The following RBFOX1 variants were observed in gnomAD, a reference collection of about 807,000 sequenced individuals.
The protein encoded by RBFOX1 is RNA binding protein fox-1 homolog 1.
In RBFOX1, 8 loss-of-function variants were observed where a neutral mutation model predicts 57.7. That is an observed-to-expected ratio of 0.14 (90% CI 0.08 to 0.25). The LOEUF (loss-of-function observed/expected upper bound fraction) is 0.25. Among genes scored for constraint, RBFOX1 ranks in the 10% least tolerant of loss-of-function variants. The pLI, the probability that RBFOX1 is intolerant of heterozygous loss-of-function variation, is 1.00. For synonymous variants in RBFOX1, 326 were observed against 222.4 expected (o/e 1.47, Z -4.15); for missense variants, 611 against 548.5 (o/e 1.11, Z -1.14).
chr16:6,901,825 G>A (rs1276913910), intron 3 of RBFOX1, among the ~76,000 whole-genome samples: 1 of 152,184 alleles, frequency 6.6e-6, no homozygotes, highest in Non-Finnish European at 1.5e-5. Context: ...TATATTTACT[G>A]TGTTAAATAT....
rs114173404 is a variant in RBFOX1 at position 6,502,244 on chromosome 16, G to A, written c.-63-152359G>A. Reference sequence around the variant, plus strand: ...AGATCCATCTGTAGGGATCTAGATCGGCTACAATAGTAGTGGCCCCAGAGA... The same window carrying A: ...AGATCCATCTGTAGGGATCTAGATCAGCTACAATAGTAGTGGCCCCAGAGA... On this transcript the variant is annotated intron_variant, in intron 2 of 15. Transcript: ENST00000550418. Among the ~76,000 whole-genome samples, 211 of 152,194 alleles carry A rather than the reference G, an allele frequency of 1.4e-3. 3 individuals are homozygous for A. Among genetic ancestry groups the A allele is most frequent in the African/African-American group, 4.9e-3 (204 of 41,522 alleles).
intron 2 of RBFOX1, chr16:6,483,853 CG>C (rs1428843454): frequency 5.0e-6 from 6 of 1,197,680 alleles, no homozygotes; most frequent in Non-Finnish European, 6.3e-6. Context: ...GGATGGAATC[CG>C]GGAAACCCAA....
At chr16:5,849,955 CT>C (rs1464840805) in intron 3 of RBFOX1, among the ~76,000 whole-genome samples, 1 of 152,150 alleles carries the variant, frequency 6.6e-6, no homozygotes, top group African/African-American at 2.4e-5. Flanking sequence ...ATTTGTTTTC[CT>C]TTGCGGATCA....
intron 3 of RBFOX1, among the ~76,000 whole-genome samples, chr16:6,864,215 T>C (rs570427974): frequency 2.2e-4 from 34 of 152,296 alleles, no homozygotes; most frequent in South Asian, 6.2e-4. Context: ...TTCTTCTATG[T>C]CACTGTATTC....
chr16:5,552,733 C>T (rs2045513186), intron 2 of RBFOX1, among the ~76,000 whole-genome samples: 1 of 152,184 alleles, frequency 6.6e-6, no homozygotes, highest in Admixed American at 6.5e-5. Context: ...TCCCATGACC[C>T]AGTGGTGAGT....
intron 2 of RBFOX1, among the ~76,000 whole-genome samples, chr16:6,403,514 C>G (rs142846613): frequency 3.3e-5 from 5 of 151,994 alleles, no homozygotes; most frequent in African/African-American, 1.2e-4. Context: ...CAGGCGAGTG[C>G]CACTACAGTT....
chr16:6,306,354 C>T (rs1181452025), intron 1 of RBFOX1, among the ~76,000 whole-genome samples: 1 of 152,156 alleles, frequency 6.6e-6, no homozygotes, highest in Non-Finnish European at 1.5e-5. Context: ...GCTGCTGGAG[C>T]CGGGCAAGTT....
intron 1 of RBFOX1, among the ~76,000 whole-genome samples, chr16:6,146,363 C>A (rs751170613): frequency 6.6e-6 from 1 of 152,158 alleles, no homozygotes; most frequent in Non-Finnish European, 1.5e-5. Flanking sequence ...TCCAGATTAG[C>A]CTCCAAAATT....
chr16:7,271,884 C>T (rs2095326450), intron 4 of RBFOX1, among the ~76,000 whole-genome samples: 1 of 152,124 alleles, frequency 6.6e-6, no homozygotes, highest in African/African-American at 2.4e-5. Flanking sequence ...ATCCCCTGTG[C>T]ATATCGATTA....
intron 3 of RBFOX1, among the ~76,000 whole-genome samples, chr16:7,001,143 C>A (rs145796198): frequency 1.3e-5 from 2 of 152,056 alleles, no homozygotes; most frequent in Admixed American, 1.3e-4. Flanking sequence ...TTCCAGTTTT[C>A]AAATCCGTTT....
chr16:5,961,754 C>T (rs893333520), intron 4 of RBFOX1, among the ~76,000 whole-genome samples: 3 of 152,100 alleles, frequency 2.0e-5, no homozygotes, highest in Non-Finnish European at 4.4e-5. Flanking sequence ...TCTCAAACTC[C>T]CGGCCTCAAG....
chr16:6,891,461 A>C (rs935247008), intron 3 of RBFOX1, among the ~76,000 whole-genome samples: 1 of 151,878 alleles, frequency 6.6e-6, no homozygotes, highest in Admixed American at 6.6e-5. Flanking sequence ...ATACACACAC[A>C]CACTAGAGAG....
At chr16:6,897,758 A>T (rs1382119757) in intron 3 of RBFOX1, among the ~76,000 whole-genome samples, 1 of 152,142 alleles carries the variant, frequency 6.6e-6, no homozygotes, top group Middle Eastern at 3.4e-3. Context: ...ATGCTGTTAC[A>T]CTCCAGCCTT....
intron 4 of RBFOX1, among the ~76,000 whole-genome samples, chr16:5,880,427 T>C (rs948330092): frequency 9.2e-5 from 14 of 152,230 alleles, no homozygotes; most frequent in African/African-American, 2.9e-4. Context: ...CTCCAAGGGA[T>C]GATACGAGTG....
At chr16:6,791,178 G>T (rs996712513) in intron 3 of RBFOX1, among the ~76,000 whole-genome samples, 3 of 151,966 alleles carry the variant, frequency 2.0e-5, no homozygotes, top group South Asian at 2.1e-4. Context: ...AAGTGCTGGG[G>T]TTACTGGTGT....
intron 3 of RBFOX1, among the ~76,000 whole-genome samples, chr16:7,024,133 A>C (rs1404284082): frequency 2.0e-5 from 3 of 152,152 alleles, no homozygotes; most frequent in African/African-American, 7.2e-5. Flanking sequence ...GACATGCTTT[A>C]TGTTATCATA....
At position 7,438,886 on chromosome 16, in the gene RBFOX1, C is replaced by G. The variant is rs188786036; in HGVS notation, c.28-79261C>G. On this transcript the variant is annotated intron_variant, in intron 4 of 15. Transcript: ENST00000550418. ...TCTGTCAATGGCTGAGTGATCTATA[C>G]TGCATGAATCCCCCCCTTCAGCTCT... Among the ~76,000 whole-genome samples, 7 of 152,290 alleles carry G rather than the reference C, an allele frequency of 4.6e-5. No individual in the cohort carries two copies. In the East Asian group the frequency reaches 1.4e-3, roughly 30 times the overall value.
At chr16:6,100,407 C>G (rs1009082578) in intron 1 of RBFOX1, among the ~76,000 whole-genome samples, 5 of 152,196 alleles carry the variant, frequency 3.3e-5, no homozygotes, top group African/African-American at 1.2e-4. Flanking sequence ...CGTGATCCGC[C>G]CGCCGCGGCC....
intron 3 of RBFOX1, among the ~76,000 whole-genome samples, chr16:6,767,861 C>A (rs1378142831): frequency 2.0e-5 from 3 of 150,732 alleles, no homozygotes; most frequent in Non-Finnish European, 4.4e-5. Flanking sequence ...TTGCAGTGAG[C>A]CGAGATCGCG....
Sources: allele counts gnomAD v4.1 joint callset (sites outside exome capture counted in the v4.1 genomes callset), GRCh38; gene constraint gnomAD v4.1.1; transcripts MANE v1.5; gene names NCBI Gene and HGNC (gene_info 2026-07-23, HGNC 2026-07-21).